The following POLE2 variants were observed in gnomAD, a reference collection of about 807,000 sequenced individuals.
POLE2 encodes DNA polymerase epsilon 2, accessory subunit.
In POLE2, 56 loss-of-function variants were observed where a neutral mutation model predicts 79.4. The observed-to-expected ratio is 0.71, with a 90% CI of 0.57 to 0.88. The LOEUF (loss-of-function observed/expected upper bound fraction) is 0.88. Ranked by LOEUF, POLE2 falls within the 40% of genes least tolerant of loss-of-function variation. POLE2 has a pLI of 0.00. For synonymous variants in POLE2, 212 were observed against 214.0 expected, an observed-to-expected ratio of 0.99 and a Z score of 0.08; for missense variants, 598 against 638.9, an observed-to-expected ratio of 0.94 and a Z score of 0.69.
chr14:49,644,466 C>T (rs982029233), intron 18 of POLE2, among the ~76,000 whole-genome samples: 8 of 149,542 alleles, frequency 5.3e-5, no homozygotes, highest in African/African-American at 2.0e-4. Context: ...GCTGAGATTG[C>T]GCCATTGCAC....
intron 10 of POLE2, 44 bp downstream of exon 10, chr14:49,663,271 G>T: frequency 3.1e-6 from 3 of 969,212 alleles, no homozygotes; most frequent in South Asian, 1.9e-5. Context: ...ACTCCTGCCA[G>T]TATTACCAAA....
Position 49,674,379 on chromosome 14 carries a change from C to G in POLE2, c.294G>C (p.Val98=), listed in dbSNP as rs750245970. 1.2e-6 allele frequency: 2 copies of G among 1,610,590 alleles called. No homozygotes were observed. The highest frequency in any genetic ancestry group is 4.5e-5 in the East Asian group (2 of 44,844). ...GAAATTTTTTTCTTTCTGAATTGTA[C>G]ACAAAGCGTGGAATATCAAATGCTC... ...IIGAFDIPRF[V]YNSERKKFLP... Residue 98 remains valine (V), a synonymous_variant, in exon 4 of 19, where the codon GTG becomes GTC. Coordinates refer to ENST00000216367, the MANE Select transcript of POLE2 (RefSeq NM_002692.4).
intron 3 of POLE2, chr14:49,677,419 G>T: frequency 2.1e-6 from 1 of 470,488 alleles, no homozygotes; most frequent in Non-Finnish European, 3.9e-6. Flanking sequence ...AGGCCCACAG[G>T]GACCTGAAGC....
intron 10 of POLE2, among the ~76,000 whole-genome samples, chr14:49,657,429 CTTTT>C (rs918363691): frequency 1.4e-5 from 2 of 143,244 alleles, no homozygotes; most frequent in African/African-American, 2.6e-5. Context: ...TAGTTGATTC[CTTTT>C]TTTTTTTTTT....
At chr14:49,666,849 C>A (rs1387983362) in intron 6 of POLE2, among the ~76,000 whole-genome samples, 2 of 152,082 alleles carry the variant, frequency 1.3e-5, no homozygotes, top group Non-Finnish European at 2.9e-5. Context: ...CATTCTCAAT[C>A]TGATCTTTTT....
intron 15 of POLE2, among the ~76,000 whole-genome samples, chr14:49,651,761 C>A (rs1260542822): frequency 1.3e-5 from 2 of 152,096 alleles, no homozygotes; most frequent in Non-Finnish European, 2.9e-5. Flanking sequence ...AGAAGGCGGG[C>A]ATATTAATAG....
intron 2 of POLE2, among the ~76,000 whole-genome samples, 160 bp downstream of exon 2, chr14:49,683,433 T>A (rs1886879776): frequency 6.6e-6 from 1 of 150,854 alleles, no homozygotes; most frequent in Non-Finnish European, 1.5e-5. Context: ...TAAAATAAAC[T>A]AAAGGTATTA....
intron 5 of POLE2, among the ~76,000 whole-genome samples, chr14:49,672,425 T>G (rs1242517400): frequency 6.6e-6 from 1 of 151,728 alleles, no homozygotes; most frequent in African/African-American, 2.4e-5. Context: ...GACCATCTGC[T>G]CCTCCTTGAA....
At chr14:49,675,087 T>A (rs1886171409) in intron 3 of POLE2, among the ~76,000 whole-genome samples, 1 of 139,984 alleles carries the variant, frequency 7.1e-6, no homozygotes, top group Admixed American at 6.9e-5. Flanking sequence ...TGAGCTACAG[T>A]ATTTTTTTTT....
In POLE2 at chr14:49,679,821, T is replaced by G; in HGVS notation, c.170-21A>C. The G allele has an allele frequency of 2.1e-6, 3 of 1,459,440 alleles. No homozygotes were observed. In the South Asian group the frequency reaches 3.6e-5, roughly 18 times the overall value. 90.4% of individuals were successfully genotyped at this position (1,459,440 alleles called of 1,614,324 possible). On this transcript the variant is annotated intron_variant, in intron 2 of 18. Coordinates refer to ENST00000216367, the MANE Select transcript of POLE2 (RefSeq NM_002692.4). ...TGACACTGAAAAGAGAATTTCAAAG[T>G]CAAAATTTAAAAACAAAAAAAAAAA...
intron 5 of POLE2, 107 bp downstream of exon 5, chr14:49,674,016 C>A: frequency 2.7e-6 from 2 of 747,934 alleles, no homozygotes; most frequent in East Asian, 2.5e-5. Flanking sequence ...AACTTTGGAC[C>A]ACAAAATTCC....
chr14:49,646,440 C>T (rs1174012113), intron 18 of POLE2: 1 of 150,694 alleles, frequency 6.6e-6, no homozygotes, highest in African/African-American at 2.5e-5. Context: ...CCTTAGCCTC[C>T]TTCTCCTGAG....
intron 1 of POLE2, among the ~76,000 whole-genome samples, chr14:49,687,621 G>A (rs1261519405): frequency 6.6e-6 from 1 of 151,978 alleles, no homozygotes; most frequent in African/African-American, 2.4e-5. Context: ...GAAGAGCCTC[G>A]GCCCGCCTAG....
At chr14:49,664,221 C>T (rs143860007) in intron 9 of POLE2, among the ~76,000 whole-genome samples, 160 of 151,212 alleles carry the variant, frequency 1.1e-3, no homozygotes, top group Middle Eastern at 3.4e-3. Flanking sequence ...TGGTGGCATG[C>T]GCCTATAATC....
rs1208655930 is a variant in POLE2, at chr14:49,653,992, G to A, written c.1209C>T (p.Cys403=). The A allele has an allele frequency of 1.3e-5, 20 of 1,525,202 alleles. No individual in the cohort carries two copies. The highest frequency in any genetic ancestry group is 1.8e-5 in the Non-Finnish European group (20 of 1,102,254). The allele number at this position is 1,525,202 out of a possible 1,614,324, so 94.5% of individuals were successfully genotyped here. A position where few individuals can be genotyped will look rare whatever the true frequency, so the allele number is the denominator to read the frequency against. The change falls in exon 15 of 19, where the codon TGC becomes TGT. Residue 403 remains cysteine, a splice_region_variant and synonymous_variant. Coordinates refer to ENST00000216367, the MANE Select transcript of POLE2 (RefSeq NM_002692.4). ...VPFSVFTTNP[C]RIQYCTQEIT... is the part of the protein sequence containing the mutation. ...TAACACAAAATACTAATTCTTACCT[G>A]CAAGGATTAGTAGTAAAAACTGAAA...
intron 13 of POLE2, 25 bp downstream of exon 13, chr14:49,654,759 A>G: frequency 6.8e-7 from 1 of 1,464,112 alleles, no homozygotes; most frequent in Admixed American, 2.8e-5. Flanking sequence ...ACGGTGAAAA[A>G]ATATATAGTG....
chr14:49,682,560 C>A (rs1008532801), intron 2 of POLE2, among the ~76,000 whole-genome samples: 2 of 148,138 alleles, frequency 1.4e-5, no homozygotes, highest in Non-Finnish European at 3.0e-5. Flanking sequence ...TCATTTGAAC[C>A]CAGGAGGCAG....
At chr14:49,678,805 C>G (rs1297203672) in intron 3 of POLE2, among the ~76,000 whole-genome samples, 3 of 151,690 alleles carry the variant, frequency 2.0e-5, no homozygotes, top group Non-Finnish European at 4.4e-5. Flanking sequence ...TACAGGTGCG[C>G]CCCACTACCG....
intron 3 of POLE2, among the ~76,000 whole-genome samples, chr14:49,675,806 T>G (rs1457095986): frequency 6.6e-6 from 1 of 152,048 alleles, no homozygotes; most frequent in Non-Finnish European, 1.5e-5. Context: ...CAGGCTGGAG[T>G]GCAGTGGCAC....
Sources: allele counts gnomAD v4.1 joint callset (sites outside exome capture counted in the v4.1 genomes callset), GRCh38; gene constraint gnomAD v4.1.1; transcripts MANE v1.5; gene names NCBI Gene and HGNC (gene_info 2026-07-23, HGNC 2026-07-21).